The following C6orf118 variants were observed in gnomAD, a reference collection of about 807,000 sequenced individuals.
The protein encoded by C6orf118 is chromosome 6 open reading frame 118, also known as uncharacterized protein C6orf118.
In C6orf118, 50 loss-of-function variants were observed where a neutral mutation model predicts 50.2. The ratio of observed to expected loss-of-function variants is 1.00; its 90% confidence interval spans 0.79 to 1.26. The LOEUF is 1.26. Ranked by LOEUF, C6orf118 falls within the 50% of genes most tolerant of loss-of-function variation. The pLI, the probability that C6orf118 is intolerant of heterozygous loss-of-function variation, is 0.00. For synonymous variants in C6orf118, 239 were observed against 230.9 expected, an observed-to-expected ratio of 1.03 and a Z score of -0.32; for missense variants, 641 against 578.7, an observed-to-expected ratio of 1.11 and a Z score of -1.10.
At chr6:165,307,084 AG>A (rs1479413895) in intron 1 of C6orf118, among the ~76,000 whole-genome samples, 2 of 152,216 alleles carry the variant, frequency 1.3e-5, no homozygotes, top group Non-Finnish European at 2.9e-5. Context: ...TGTACTGAAT[AG>A]GAACATGTAG....
At chr6:165,281,992 A>AT (rs1304542333) in intron 7 of C6orf118, 14 of 197,662 alleles carry the variant, frequency 7.1e-5, no homozygotes, top group Non-Finnish European at 1.2e-4. Context: ...TAATGATAGA[A>AT]TTTGTTAAGG....
chr6:165,297,504 CTT>C (rs1331524757), intron 5 of C6orf118, among the ~76,000 whole-genome samples: 1 of 150,112 alleles, frequency 6.7e-6, no homozygotes, highest in East Asian at 1.9e-4. Flanking sequence ...GGTTTTGTTT[CTT>C]GTTTCATGCT....
intron 2 of C6orf118, 74 bp from the exon 3 acceptor site, chr6:165,300,560 AG>A: frequency 1.4e-6 from 2 of 1,470,978 alleles, no homozygotes; most frequent in Non-Finnish European, 1.8e-6. Context: ...CTCAGGAGTC[AG>A]TGAGGACACA....
intron 7 of C6orf118, among the ~76,000 whole-genome samples, chr6:165,283,236 G>A (rs533640949): frequency 5.3e-5 from 8 of 152,220 alleles, no homozygotes; most frequent in Admixed American, 2.0e-4. Context: ...CCTGGGAGCC[G>A]CAAGGGGACC....
At chr6:165,302,346 G>GT in intron 1 of C6orf118, 50 bp from the exon 2 acceptor site, 2 of 1,575,534 alleles carry the variant, frequency 1.3e-6, no homozygotes, top group East Asian at 4.5e-5. Flanking sequence ...TAGTTCCACA[G>GT]TAAGTCAGCT....
In C6orf118 at chr6:165,281,649, C is replaced by T. The variant is rs142447513; in HGVS notation, c.1347G>A (p.Lys449=). 1.3e-5 allele frequency: 20 copies of T among 1,494,096 alleles called. No individual in the cohort carries two copies. The African/African-American group carries it at 2.6e-4, about 19-fold the overall frequency. The allele number at this position is 1,494,096 out of a possible 1,614,324, so 92.6% of individuals were successfully genotyped here. Residue 449 remains lysine, a synonymous_variant, in exon 8 of 9, where the codon AAG becomes AAA. Coordinates refer to ENST00000230301, the MANE Select transcript of C6orf118 (RefSeq NM_144980.4). Reference sequence around the variant, plus strand: ...CACACAAAAAACTTACTTTTATTTTCTTCTTTAAAATCATATTTTCTGTTT... The same window carrying T: ...CACACAAAAAACTTACTTTTATTTTTTTCTTTAAAATCATATTTTCTGTTT... ...QLETENMILK[K]KIKGPLEIYQ... is the part of the protein sequence containing the mutation.
chr6:165,296,260 T>G (rs1169527471), intron 5 of C6orf118, among the ~76,000 whole-genome samples: 5,840 of 144,412 alleles, frequency 0.04, 435 homozygotes, highest in African/African-American at 0.14. Context: ...GTTTTTTTTT[T>G]TTTTTTTTTT....
intron 7 of C6orf118, among the ~76,000 whole-genome samples, chr6:165,284,197 G>A (rs1428589803): frequency 6.6e-6 from 1 of 152,054 alleles, no homozygotes; most frequent in African/African-American, 2.4e-5. Context: ...AGTATCAATA[G>A]CCAAATAGAC....
At chr6:165,305,758 T>A (rs1254448992) in intron 1 of C6orf118, among the ~76,000 whole-genome samples, 1 of 118,850 alleles carries the variant, frequency 8.4e-6, no homozygotes, top group Non-Finnish European at 1.6e-5. Flanking sequence ...GAAATGCAAA[T>A]CAAAACCACT....
At chr6:165,306,875 G>A (rs6934446) in intron 1 of C6orf118, among the ~76,000 whole-genome samples, 30,357 of 151,946 alleles carry the variant, frequency 0.2, 3,442 homozygotes, top group African/African-American at 0.28. Flanking sequence ...AATCCCCATC[G>A]TGGCAATAAA....
intron 5 of C6orf118, among the ~76,000 whole-genome samples, chr6:165,295,474 T>C (rs1429114740): frequency 6.6e-6 from 1 of 152,174 alleles, no homozygotes; most frequent in Non-Finnish European, 1.5e-5. Context: ...GGTAAATCAT[T>C]TGGATTCTCA....
intron 1 of C6orf118, among the ~76,000 whole-genome samples, chr6:165,303,290 A>G (rs1044962154): frequency 1.3e-5 from 2 of 152,134 alleles, no homozygotes; most frequent in African/African-American, 2.4e-5. Flanking sequence ...AAGACACCAC[A>G]TACCAGAATC....
chr6:165,296,243 G>A (rs1221191949), intron 5 of C6orf118, among the ~76,000 whole-genome samples: 1 of 55,348 alleles, frequency 1.8e-5, no homozygotes, highest in East Asian at 6.2e-4. Flanking sequence ...TGTTGTTTTC[G>A]TTTTTTGTTT....
chr6:165,299,399 T>C, intron 4 of C6orf118, 44 bp downstream of exon 4: 2 of 1,575,366 alleles, frequency 1.3e-6, no homozygotes, highest in South Asian at 1.1e-5. Flanking sequence ...TATGAAGCTA[T>C]GGATAAGCAG....
chr6:165,309,499 C>A, intron 1 of C6orf118, 63 bp downstream of exon 1: 1 of 1,585,248 alleles, frequency 6.3e-7, no homozygotes, highest in Non-Finnish European at 8.7e-7. Flanking sequence ...AGAAGCCCAT[C>A]CCTCCACAAT....
intron 8 of C6orf118, 164 bp downstream of exon 8, chr6:165,281,476 C>A: frequency 7.3e-7 from 1 of 1,376,082 alleles, no homozygotes; most frequent in Non-Finnish European, 9.4e-7. Flanking sequence ...GATGTCAATA[C>A]TTACTCCTGC....
chr6:165,300,346 A>C lies in C6orf118; in HGVS notation c.876+18T>G. On this transcript the variant is annotated intron_variant, in intron 3 of 8. Coordinates refer to ENST00000230301, the MANE Select transcript of C6orf118 (RefSeq NM_144980.4). ...TGCAAGCTTCTCAACTGTTATGCTG[A>C]AGATGTATGTTTCTTACCTTAACTT... 1 of 1,613,608 alleles carries C rather than the reference A, an allele frequency of 6.2e-7. No individual in the cohort carries two copies.
intron 1 of C6orf118, 63 bp downstream of exon 1, chr6:165,309,499 C>T (rs1780864883): frequency 1.3e-6 from 2 of 1,585,130 alleles, no homozygotes; most frequent in Admixed American, 1.7e-5. Context: ...AGAAGCCCAT[C>T]CCTCCACAAT....
chr6:165,296,250 G>GTTTTTTTTTTTTTTTTTTTTTTTT (rs56394079), intron 5 of C6orf118, among the ~76,000 whole-genome samples: 8 of 103,358 alleles, frequency 7.7e-5, no homozygotes, highest in Admixed American at 2.2e-4. Context: ...TTCGTTTTTT[G>GTTTTTTTTTTTTTTTTTTTTTTTT]TTTTTTTTTT....
Sources: allele counts gnomAD v4.1 joint callset (sites outside exome capture counted in the v4.1 genomes callset), GRCh38; gene constraint gnomAD v4.1.1; transcripts MANE v1.5; gene names NCBI Gene and HGNC (gene_info 2026-07-23, HGNC 2026-07-21).